The following FSCN1 variants were observed in gnomAD, a reference collection of about 807,000 sequenced individuals.
FSCN1 encodes the protein fascin actin-bundling protein 1.
A neutral mutation model predicts 39.7 loss-of-function variants in FSCN1; 10 were observed. The observed-to-expected ratio is 0.25, with a 90% CI of 0.16 to 0.43. The LOEUF (loss-of-function observed/expected upper bound fraction) is 0.43. Among genes scored for constraint, FSCN1 ranks in the 20% least tolerant of loss-of-function variants. FSCN1 has a pLI of 1.00. For synonymous variants in FSCN1, 322 were observed against 320.0 expected (o/e 1.01, Z -0.07); for missense variants, 525 against 723.8 (o/e 0.73, Z 3.15).
At chr7:5,604,998 C>A (rs1785906922) in intron 4 of FSCN1, among the ~76,000 whole-genome samples, 1 of 152,100 alleles carries the variant, frequency 6.6e-6, no homozygotes, top group African/African-American at 2.4e-5. Context: ...GGCTCGAACT[C>A]CTGACCTCAA....
Position 5,592,871 on chromosome 7 carries a change from G to A in FSCN1, c.-66G>A, listed in dbSNP as rs994874317. 10 of 978,710 alleles carry A rather than the reference G, an allele frequency of 1.0e-5. No homozygotes were observed. Among genetic ancestry groups the A allele is most frequent in the Non-Finnish European group, 4.4e-6 (3 of 675,390 alleles). The allele number at this position is 978,710 out of a possible 1,614,324, so 60.6% of individuals were successfully genotyped here. A position where few individuals can be genotyped will look rare whatever the true frequency, so the allele number is the denominator to read the frequency against. ...GCGGCAGCCGAACAAAGGAGCAGGG[G>A]CGCCGCCGCAGGGACCCGCCACCCA... On this transcript the variant is annotated 5_prime_UTR_variant, in exon 1 of 5. Transcript: ENST00000382361. The surrounding 1 kb of genome is among the most constrained non-coding windows in gnomAD (Gnocchi z 5.3).
chr7:5,598,050 T>C (rs1258331806), intron 1 of FSCN1, among the ~76,000 whole-genome samples: 2 of 152,196 alleles, frequency 1.3e-5, no homozygotes, highest in African/African-American at 2.4e-5. Flanking sequence ...CCTGCTCTAC[T>C]GGGGGGACGA....
chr7:5,596,787 G>A (rs563859403), intron 1 of FSCN1, among the ~76,000 whole-genome samples: 4 of 152,312 alleles, frequency 2.6e-5, no homozygotes, highest in South Asian at 4.1e-4. Context: ...CCCACGAGGC[G>A]CAGGGCATTC....
In FSCN1 at chr7:5,603,044, G is replaced by A. The variant is rs563585012; in HGVS notation, c.833-213G>A. 3.4e-6 allele frequency: 2 copies of A among 593,532 alleles called. No homozygotes were observed. The highest frequency in any genetic ancestry group is 6.0e-6 in the Non-Finnish European group (2 of 333,436). 36.8% of individuals were successfully genotyped at this position (593,532 alleles called of 1,614,324 possible). A position where few individuals can be genotyped will look rare whatever the true frequency, so the allele number is the denominator to read the frequency against. ...TCTCTAACTGGGGAAAGTCATGTGG[G>A]AACAGATGTAGCTTGCCTTGGCCTC... On this transcript the variant is annotated intron_variant, in intron 1 of 4. Transcript: ENST00000382361. The surrounding 1 kb of genome is among the most constrained non-coding windows in gnomAD (Gnocchi z 8.5).
At chr7:5,596,015 G>C (rs1038430858) in intron 1 of FSCN1, among the ~76,000 whole-genome samples, 1 of 151,866 alleles carries the variant, frequency 6.6e-6, no homozygotes, top group Non-Finnish European at 1.5e-5. Flanking sequence ...GAGTTGAAAG[G>C]GATGTGGGAC....
intron 1 of FSCN1, among the ~76,000 whole-genome samples, chr7:5,597,453 G>A (rs1235391401): frequency 6.6e-6 from 1 of 152,044 alleles, no homozygotes; most frequent in Non-Finnish European, 1.5e-5. Flanking sequence ...ATCACCTGGA[G>A]GTCGGGAGTT....
chr7:5,603,926 A>G lies in FSCN1; in HGVS notation c.1175A>G (p.His392Arg), dbSNP rs2128550207. 3.1e-6 allele frequency: 5 copies of G among 1,614,058 alleles called. No homozygotes were observed. The highest frequency in any genetic ancestry group is 3.4e-6 in the Non-Finnish European group (4 of 1,180,010). ...CCCATCATCGTGTTCCGCGGGGAGC[A>G]TGGCTTCATCGGCTGCCGCAAGGTC... is the stretch of plus-strand genomic sequence containing the variant. ...NRPIIVFRGE[H>R]GFIGCRKVTG... The change falls in exon 4 of 5, where the codon CAT (histidine) becomes CGT (arginine). Residue 392 changes from histidine to arginine, a missense_variant. This residue lies in a region of FSCN1 where 275 missense variants were observed against 351.9 expected (regional missense o/e 0.78). Transcript: ENST00000382361. This position sits in a 1 kb window ranked among gnomAD's most constrained non-coding sequence, Gnocchi z 8.5.
At position 5,605,484 on chromosome 7, in the gene FSCN1, G is replaced by A. The variant is rs1282503626; in HGVS notation, c.*10G>A. 3.3e-6 allele frequency: 5 copies of A among 1,533,346 alleles called. No individual in the cohort carries two copies. Among genetic ancestry groups the A allele is most frequent in the South Asian group, 2.4e-5 (2 of 82,122 alleles). The allele number at this position is 1,533,346 out of a possible 1,614,324, so 95.0% of individuals were successfully genotyped here. A position where few individuals can be genotyped will look rare whatever the true frequency, so the allele number is the denominator to read the frequency against. On this transcript the variant is annotated 3_prime_UTR_variant, in exon 5 of 5. Coordinates refer to ENST00000382361, the MANE Select transcript of FSCN1 (RefSeq NM_003088.4). This position sits in a 1 kb window ranked among gnomAD's most constrained non-coding sequence, Gnocchi z 6.9. ...GCTCTGGGAGTACTAGGGCCGGCCC[G>A]TCCTTCCCCGCCCCTGCCCACATGG...
In FSCN1 at chr7:5,602,378, C is replaced by T. The variant is rs531257481; in HGVS notation, c.833-879C>T. Among the ~76,000 whole-genome samples, 18 of 152,112 alleles carry T rather than the reference C, an allele frequency of 1.2e-4. No individual in the cohort carries two copies. In the South Asian group the frequency reaches 3.3e-3, roughly 28 times the overall value. ...TCTAAAGGAAAGGAACATGTACCAT[C>T]GTGTTTTATTTTAATTTTTACATAG... On this transcript the variant is annotated intron_variant, in intron 1 of 4. Coordinates refer to ENST00000382361, the MANE Select transcript of FSCN1 (RefSeq NM_003088.4).
In FSCN1 at chr7:5,593,414, G is replaced by A. The variant is rs749087691; in HGVS notation, c.478G>A (p.Ala160Thr). 3 of 1,612,202 alleles carry A rather than the reference G, an allele frequency of 1.9e-6. No individual in the cohort carries two copies. Among genetic ancestry groups the A allele is most frequent in the Non-Finnish European group, 1.7e-6 (2 of 1,179,762 alleles). ...KRYAHLSARP[A>T]DEIAVDRDVP... is the part of the protein sequence containing the mutation. ...CTACGCGCACCTGAGCGCGCGGCCG[G>A]CCGACGAGATCGCCGTGGACCGCGA... The change falls in exon 1 of 5, where the codon GCC (alanine) becomes ACC (threonine). Residue 160 changes from alanine (A) to threonine (T), a missense_variant. Around this residue, in one of 3 missense-constraint regions of FSCN1, gnomAD observed 246 missense variants for 350.6 expected, o/e 0.70. Transcript: ENST00000382361.
In FSCN1 at chr7:5,603,674, A is replaced by G; in HGVS notation, c.1111+57A>G. 6.2e-7 allele frequency: 1 copy of G among 1,609,974 alleles called. No homozygotes were observed. The highest frequency in any genetic ancestry group is 8.5e-7 in the Non-Finnish European group (1 of 1,177,516). On this transcript the variant is annotated intron_variant, in intron 3 of 4. Coordinates refer to ENST00000382361, the MANE Select transcript of FSCN1 (RefSeq NM_003088.4). The surrounding 1 kb of genome is among the most constrained non-coding windows in gnomAD (Gnocchi z 8.5). ...TCCTGGAGTCCTGGAGGGTCTGGCC[A>G]TGCCGTGGTCACTTGGTAGCCCCAG... is the stretch of plus-strand genomic sequence containing the variant.
At chr7:5,604,263 T>G (rs1584304894) in intron 4 of FSCN1, among the ~76,000 whole-genome samples, 2 of 118,718 alleles carry the variant, frequency 1.7e-5, no homozygotes, top group African/African-American at 3.2e-5. Flanking sequence ...GACAGAGAGG[T>G]GTGTGGAGGG....
chr7:5,600,986 T>G (rs892064811), intron 1 of FSCN1, among the ~76,000 whole-genome samples: 4 of 126,590 alleles, frequency 3.2e-5, no homozygotes, highest in African/African-American at 1.3e-4. Flanking sequence ...AGATGAGGTT[T>G]CACCATGTTG....
At chr7:5,598,471 G>A (rs376665828) in intron 1 of FSCN1, among the ~76,000 whole-genome samples, 6 of 152,378 alleles carry the variant, frequency 3.9e-5, no homozygotes, top group African/African-American at 1.2e-4. Context: ...CCCCGTGGCT[G>A]CCGCCAGTTA....
chr7:5,602,399 C>T (rs1326089736), intron 1 of FSCN1, among the ~76,000 whole-genome samples: 2 of 152,034 alleles, frequency 1.3e-5, no homozygotes. Flanking sequence ...TTAATTTTTA[C>T]ATAGAAGCAG....
Position 5,603,212 on chromosome 7 carries a change from G to A in FSCN1, c.833-45G>A. ...TCAGGGCTATGGTCTGCCAGAACTA[G>A]GGGGCGTGGGGCCCCAGTACCAGCC... On this transcript the variant is annotated intron_variant, in intron 1 of 4. Transcript: ENST00000382361. This position sits in a 1 kb window ranked among gnomAD's most constrained non-coding sequence, Gnocchi z 8.5. 6.2e-7 allele frequency: 1 copy of A among 1,603,194 alleles called. No individual in the cohort carries two copies. Among genetic ancestry groups the A allele is most frequent in the Non-Finnish European group, 8.5e-7 (1 of 1,174,636 alleles).
chr7:5,604,879 C>T (rs375470738), intron 4 of FSCN1, among the ~76,000 whole-genome samples: 2 of 152,058 alleles, frequency 1.3e-5, no homozygotes, highest in East Asian at 3.9e-4. Flanking sequence ...TCAAGTGATC[C>T]GCCCACCTCA....
At chr7:5,600,830 T>G (rs1435121339) in intron 1 of FSCN1, among the ~76,000 whole-genome samples, 3 of 151,896 alleles carry the variant, frequency 2.0e-5, no homozygotes, top group Non-Finnish European at 2.9e-5. Context: ...ATTTTTTTTT[T>G]TTGTATTATT....
In FSCN1 at chr7:5,600,125, T is replaced by C. The variant is rs549851936; in HGVS notation, c.833-3132T>C. The stretch of plus-strand genomic sequence containing the variant: ...GCAATGTAGTTATAATGAATAGCAA[T>C]TGTGGGCTGGGCGCAGTGGCTCATA... On this transcript the variant is annotated intron_variant, in intron 1 of 4. Coordinates refer to ENST00000382361, the MANE Select transcript of FSCN1 (RefSeq NM_003088.4). 5.3e-5 allele frequency among the ~76,000 whole-genome samples: 8 copies of C among 152,156 alleles called. No individual in the cohort carries two copies. The South Asian group carries it at 1.5e-3, about 28-fold the overall frequency.
Sources: gnomAD v4.1 joint callset for allele counts (sites outside exome capture counted in the v4.1 genomes callset) on GRCh38, gnomAD v4.1.1 for gene constraint, gnomAD v4.1.1 regional missense constraint, Gnocchi (gnomAD v3.1) non-coding constraint, MANE v1.5 for transcripts, NCBI Gene and HGNC (gene_info 2026-07-23, HGNC 2026-07-21) for gene names.